PIK3R6: variants seen among roughly 807,000 people sequenced by gnomAD.
PIK3R6 encodes the protein phosphoinositide-3-kinase regulatory subunit 6.
PIK3R6 carries 91 observed loss-of-function variants against 84.9 expected under a neutral mutation model. The ratio of observed to expected loss-of-function variants is 1.07; its 90% CI spans 0.90 to 1.28. The LOEUF (loss-of-function observed/expected upper bound fraction) is 1.28. Ranked by LOEUF, PIK3R6 falls within the 50% of genes most tolerant of loss-of-function variation. PIK3R6 has a pLI of 0.00. For synonymous variants in PIK3R6, 416 were observed against 411.4 expected (o/e 1.01, Z -0.13); for missense variants, 996 against 985.1 (o/e 1.01, Z -0.15).
intron 2 of PIK3R6, among the ~76,000 whole-genome samples, chr17:8,848,921 C>T (rs1017367899): frequency 1.3e-5 from 2 of 152,128 alleles, no homozygotes; most frequent in South Asian, 2.1e-4. Context: ...TAGGGGATGC[C>T]CTTCCCTTCC....
intron 9 of PIK3R6, among the ~76,000 whole-genome samples, chr17:8,830,932 A>G (rs2088211047): frequency 1.3e-5 from 2 of 151,680 alleles, no homozygotes; most frequent in Non-Finnish European, 2.9e-5. Flanking sequence ...TCACGAGGTC[A>G]GGAGATCGCA....
chr17:8,813,543 A>G (rs560307805), intron 18 of PIK3R6, among the ~76,000 whole-genome samples: 3 of 151,852 alleles, frequency 2.0e-5, no homozygotes, highest in African/African-American at 7.2e-5. Context: ...ACAGTGAATC[A>G]AAAAGATAAT....
At position 8,822,599 on chromosome 17, in the gene PIK3R6, T is replaced by G. The variant is rs763009487; in HGVS notation, c.1776A>C (p.Leu592=). 6.2e-7 allele frequency: 1 copy of G among 1,613,906 alleles called. No homozygotes were observed. The highest frequency in any genetic ancestry group is 8.5e-7 in the Non-Finnish European group (1 of 1,179,828). ...CATGCACACTGACCTTCTGGTAGCA[T>G]AGGGAGAGCTCTGCCCCTGGGCCCT... The part of the protein sequence containing the change: ...VAEGPGAELS[L]CYQKALLSHR... The change falls in exon 16 of 20, where the codon CTA becomes CTC. Residue 592 remains leucine, a synonymous_variant. Transcript: ENST00000619866.
chr17:8,837,094 T>G (rs1284189167), intron 5 of PIK3R6, among the ~76,000 whole-genome samples, 171 bp from the exon 6 acceptor site: 1 of 152,030 alleles, frequency 6.6e-6, no homozygotes, highest in African/African-American at 2.4e-5. Flanking sequence ...ACCCACACCT[T>G]CCAGCCTCTT....
chr17:8,864,261 AG>A (rs1401325354), intron 1 of PIK3R6, among the ~76,000 whole-genome samples: 3 of 152,120 alleles, frequency 2.0e-5, no homozygotes, highest in African/African-American at 7.2e-5. Flanking sequence ...GGGGTTTCCT[AG>A]GCTCAGGGTT....
In PIK3R6 at chr17:8,828,704, C is replaced by G. The variant is rs1433764770; in HGVS notation, c.1176G>C (p.Gly392=). Residue 392 remains glycine (G), a synonymous_variant, in exon 11 of 20, where the codon GGG becomes GGC. Coordinates refer to ENST00000619866, the MANE Select transcript of PIK3R6 (RefSeq NM_001010855.4). The part of the protein sequence containing the change: ...LMPGSWDGPP[G]LHRRTGRPSG... ...TGGGCCGGCCTGTCCTCCGGTGCAG[C>G]CCTGGGGGCCCGTCCCAGCTGCCAG... is the stretch of plus-strand genomic sequence containing the variant. The G allele has an allele frequency of 6.2e-6, 10 of 1,610,412 alleles. No individual in the cohort carries two copies. Among genetic ancestry groups the G allele is most frequent in the Admixed American group, 3.4e-5 (2 of 59,642 alleles).
At chr17:8,819,937 A>ATATAT (rs1368510193) in intron 17 of PIK3R6, among the ~76,000 whole-genome samples, 7 of 86,228 alleles carry the variant, frequency 8.1e-5, no homozygotes, top group African/African-American at 3.3e-4. Context: ...ATATATATAT[A>ATATAT]TTTTTATATA....
chr17:8,809,452 C>T (rs561704138), intron 18 of PIK3R6, among the ~76,000 whole-genome samples: 5 of 152,268 alleles, frequency 3.3e-5, no homozygotes, highest in African/African-American at 1.2e-4. Flanking sequence ...TCAATACTAA[C>T]CTTAAATGTA....
At chr17:8,850,038 T>C (rs953720530) in intron 1 of PIK3R6, among the ~76,000 whole-genome samples, 153 bp from the exon 2 acceptor site, 3 of 152,164 alleles carry the variant, frequency 2.0e-5, no homozygotes, top group African/African-American at 7.2e-5. Flanking sequence ...GTGCAGTGGC[T>C]CATGCCTGTA....
At chr17:8,825,473 T>A (rs1030828981) in intron 13 of PIK3R6, among the ~76,000 whole-genome samples, 1 of 152,212 alleles carries the variant, frequency 6.6e-6, no homozygotes, top group South Asian at 2.1e-4. Context: ...AGCATAGGTA[T>A]GTACTAAATA....
intron 8 of PIK3R6, among the ~76,000 whole-genome samples, chr17:8,833,541 C>CTTTT (rs3884448): frequency 3.8e-5 from 5 of 130,796 alleles, no homozygotes; most frequent in Non-Finnish European, 6.5e-5. Flanking sequence ...GAGAAAGTGA[C>CTTTT]TTTTTTTTTT....
At chr17:8,846,729 G>A (rs1027372913) in intron 2 of PIK3R6, among the ~76,000 whole-genome samples, 3 of 152,066 alleles carry the variant, frequency 2.0e-5, no homozygotes, top group Non-Finnish European at 2.9e-5. Context: ...TACACACAGA[G>A]AATCTTCCAT....
At chr17:8,838,712 C>T (rs1433319777) in intron 3 of PIK3R6, 57 bp from the exon 4 acceptor site, 1 of 1,494,428 alleles carries the variant, frequency 6.7e-7, no homozygotes, top group Non-Finnish European at 9.1e-7. Flanking sequence ...TTAGAGGAGA[C>T]CCCTCTGAGC....
intron 1 of PIK3R6, among the ~76,000 whole-genome samples, chr17:8,855,225 A>AAACAAAAC (rs1364990797): frequency 0.015 from 2,031 of 135,180 alleles, 55 homozygotes; most frequent in African/African-American, 0.074. Context: ...AAACAAAACA[A>AAACAAAAC]AACAACAATA....
At chr17:8,811,116 T>C (rs948872446) in intron 18 of PIK3R6, among the ~76,000 whole-genome samples, 2 of 148,934 alleles carry the variant, frequency 1.3e-5, no homozygotes, top group Non-Finnish European at 2.9e-5. Flanking sequence ...ACCCTAATTC[T>C]TGACTTCTGT....
At chr17:8,831,694 C>G (rs1274854599) in intron 9 of PIK3R6, among the ~76,000 whole-genome samples, 2 of 152,204 alleles carry the variant, frequency 1.3e-5, no homozygotes, top group African/African-American at 2.4e-5. Flanking sequence ...GCACACTAAC[C>G]TCTTCCGGTG....
At chr17:8,853,299 C>T (rs2089025558) in intron 1 of PIK3R6, among the ~76,000 whole-genome samples, 1 of 151,238 alleles carries the variant, frequency 6.6e-6, no homozygotes, top group South Asian at 2.1e-4. Context: ...TCCTGGCTAA[C>T]ATGGTGAAAC....
intron 18 of PIK3R6, among the ~76,000 whole-genome samples, 158 bp downstream of exon 18, chr17:8,818,925 A>T (rs747960609): frequency 6.6e-6 from 1 of 152,212 alleles, no homozygotes; most frequent in Non-Finnish European, 1.5e-5. Context: ...CTGATTGAAA[A>T]GCGGATTCCT....
At position 8,828,900 on chromosome 17, in the gene PIK3R6, T is replaced by TCCGGC. The variant is rs1567586279; in HGVS notation, c.975_979dup (p.Asp327GlyfsTer58). 1 of 1,560,596 alleles carries TCCGGC rather than the reference T, an allele frequency of 6.4e-7. No homozygotes were observed. Among genetic ancestry groups the TCCGGC allele is most frequent in the South Asian group, 1.2e-5 (1 of 83,428 alleles). On this transcript the variant is annotated frameshift_variant, in exon 11 of 20. Transcript: ENST00000619866. LOFTEE classifies it high-confidence loss of function. ...CACAGAAACCCGGGCCAACTCCCGG[T>TCCGGC]CCGGCCGGAGGCCCTGCAGATCCAA...
Sources: allele counts gnomAD v4.1 joint callset (sites outside exome capture counted in the v4.1 genomes callset), GRCh38; gene constraint gnomAD v4.1.1; transcripts MANE v1.5; gene names NCBI Gene and HGNC (gene_info 2026-07-23, HGNC 2026-07-21).